The following GALNT5 variants were observed in gnomAD, a reference collection of about 807,000 sequenced individuals.
GALNT5 encodes polypeptide N-acetylgalactosaminyltransferase 5, also known as UDP-GalNAc:polypeptide N-acetylgalactosaminyltransferase 5.
In GALNT5, 72 loss-of-function variants were observed where a neutral mutation model predicts 85.4. The ratio of observed to expected loss-of-function variants is 0.84; its 90% CI spans 0.70 to 1.03. The LOEUF is 1.03. GALNT5 is among the 50% of genes least tolerant of loss of function. The pLI is 0.00. For missense variants in GALNT5, 1,137 were observed against 1,135.5 expected (o/e 1.00, Z -0.02); for synonymous variants, 404 against 397.0 (o/e 1.02, Z -0.21).
intron 9 of GALNT5, among the ~76,000 whole-genome samples, chr2:157,309,546 C>T (rs1170272592): frequency 6.6e-6 from 1 of 152,212 alleles, no homozygotes; most frequent in Non-Finnish European, 1.5e-5. Flanking sequence ...TTTCTACAAT[C>T]TCTCCAGCAG....
Position 157,312,982 on chromosome 2 carries a change from C to T in GALNT5, c.*1634C>T, listed in dbSNP as rs376127585. 3.3e-5 allele frequency: 5 copies of T among 152,014 alleles called. No homozygotes were observed. The highest frequency in any genetic ancestry group is 1.9e-4 in the East Asian group (1 of 5,202). The allele number at this position is 152,014 out of a possible 1,614,324, so 9.4% of individuals were successfully genotyped here. On this transcript the variant is annotated 3_prime_UTR_variant, in exon 10 of 10. Coordinates refer to ENST00000259056, the MANE Select transcript of GALNT5 (RefSeq NM_014568.3). ...TTTAATTTTGACTCCCAATGAGTTA[C>T]GTAAAAGCAAAACTATAACTAAGAA...
At chr2:157,271,491 G>C (rs909250687) in intron 1 of GALNT5, among the ~76,000 whole-genome samples, 3 of 152,208 alleles carry the variant, frequency 2.0e-5, no homozygotes, top group Admixed American at 1.3e-4. Context: ...TGGAGAAAGA[G>C]AGTGGATGCT....
At position 157,264,831 on chromosome 2, in the gene GALNT5, C is replaced by T. The variant is rs534926201; in HGVS notation, c.1454+5295C>T. On this transcript the variant is annotated intron_variant, in intron 1 of 9. Transcript: ENST00000259056. ...AAACTTTGAGCTTCTAAAAGTTTAT[C>T]AGGCTGAGAGAAAAAAAGAAACTTT... 8.6e-5 allele frequency among the ~76,000 whole-genome samples: 13 copies of T among 151,984 alleles called. No homozygotes were observed. The South Asian group carries it at 2.7e-3, about 32-fold the overall frequency.
intron 6 of GALNT5, among the ~76,000 whole-genome samples, chr2:157,300,403 AATG>A (rs1683314529): frequency 6.6e-6 from 1 of 152,132 alleles, no homozygotes; most frequent in Non-Finnish European, 1.5e-5. Flanking sequence ...TGTTTTACAA[AATG>A]GGATTCTGTG....
Position 157,308,564 on chromosome 2 carries a change from C to A in GALNT5, c.2521-3C>A. On this transcript the variant is annotated splice_polypyrimidine_tract_variant and splice_region_variant and intron_variant, in intron 8 of 9. Transcript: ENST00000259056. The stretch of plus-strand genomic sequence containing the variant: ...GTGACCTCTTTATTCATTTCCCCCA[C>A]AGCTTCAACAATTTAATTACACCTG... 6.2e-7 allele frequency: 1 copy of A among 1,600,852 alleles called. No homozygotes were observed. Among genetic ancestry groups the A allele is most frequent in the South Asian group, 1.1e-5 (1 of 88,004 alleles).
rs545937430 is a variant in GALNT5 at position 157,281,130 on chromosome 2, C to T, written c.1455-3152C>T. ...GGAGTACAGCAGTGCGATCTCAGCT[C>T]ACTGCACACTACAACCTCCACCTCC... On this transcript the variant is annotated intron_variant, in intron 1 of 9. Transcript: ENST00000259056. Among the ~76,000 whole-genome samples, 166 of 152,310 alleles carry T rather than the reference C, an allele frequency of 1.1e-3. 3 individuals are homozygous for T. In the South Asian group the frequency reaches 0.032, roughly 29 times the overall value.
In GALNT5 at chr2:157,300,932, G is replaced by T. The variant is rs1558903078; in HGVS notation, c.2372G>T (p.Ser791Ile). The T allele has an allele frequency of 6.2e-7, 1 of 1,614,126 alleles. No homozygotes were observed. ...CTGCGAAAGAAACTGAAGTGCAAAA[G>T]TTTCAAATGGTACTTGGAGAATGTC... ...RELRKKLKCK[S>I]FKWYLENVFP... is the part of the protein sequence containing the mutation. Residue 791 changes from serine (S) to isoleucine (I), a missense_variant, in exon 7 of 10, where the codon AGT (serine) becomes ATT (isoleucine). By Grantham distance (142) the Ser-to-Ile change is moderately radical. Transcript: ENST00000259056.
At chr2:157,309,529 C>G (rs950985772) in intron 9 of GALNT5, among the ~76,000 whole-genome samples, 15 of 152,172 alleles carry the variant, frequency 9.9e-5, no homozygotes, top group African/African-American at 3.6e-4. Flanking sequence ...GAATTGCCTT[C>G]TTAAATTTTC....
chr2:157,298,301 A>T (rs1191153361), intron 5 of GALNT5, among the ~76,000 whole-genome samples: 1 of 152,130 alleles, frequency 6.6e-6, no homozygotes, highest in East Asian at 1.9e-4. Context: ...ATTAACACCC[A>T]CTTCCTAAAG....
At chr2:157,280,113 C>T (rs925993763) in intron 1 of GALNT5, among the ~76,000 whole-genome samples, 8 of 152,144 alleles carry the variant, frequency 5.3e-5, no homozygotes, top group Admixed American at 1.3e-4. Context: ...CTTGCCTTAA[C>T]TCATTAAGCC....
chr2:157,258,246 T>C lies in GALNT5; in HGVS notation c.164T>C (p.Ile55Thr), dbSNP rs1031742238. The C allele has an allele frequency of 4.3e-6, 7 of 1,612,250 alleles. No individual in the cohort carries two copies. The highest frequency in any genetic ancestry group is 2.2e-5 in the South Asian group (2 of 90,820). ...GAAGACATTGTGAGGAGGGAGCGGA[T>C]AGGATTCAGAGTTCAGCCAGACCAA... ...IKEDIVRRER[I>T]GFRVQPDQGK... Residue 55 changes from isoleucine to threonine, a missense_variant, in exon 1 of 10, where the codon ATA becomes ACA. By Grantham distance (89) the Ile-to-Thr change is moderately conservative (BLOSUM62 -1). Coordinates refer to ENST00000259056, the MANE Select transcript of GALNT5 (RefSeq NM_014568.3).
chr2:157,280,717 C>T (rs1258979781), intron 1 of GALNT5, among the ~76,000 whole-genome samples: 2 of 152,120 alleles, frequency 1.3e-5, no homozygotes, highest in African/African-American at 4.8e-5. Flanking sequence ...TGAAATGTGA[C>T]CTCCAATGTT....
rs1029197676 is a variant in GALNT5 at position 157,315,356 on chromosome 2, T to C, written c.*4008T>C. ...CCAAGGTCATCCCACAAGTAAGAGATAAAACCCAGTTTCCATTTTATCTGG... is the reference window on the plus strand; with the variant it reads ...CCAAGGTCATCCCACAAGTAAGAGACAAAACCCAGTTTCCATTTTATCTGG... On this transcript the variant is annotated 3_prime_UTR_variant, in exon 10 of 10. Transcript: ENST00000259056. 6.6e-6 allele frequency among the ~76,000 whole-genome samples: 1 copy of C among 152,158 alleles called. No individual in the cohort carries two copies. The highest frequency in any genetic ancestry group is 1.5e-5 in the Non-Finnish European group (1 of 68,014).
chr2:157,263,231 C>G (rs951662127), intron 1 of GALNT5, among the ~76,000 whole-genome samples: 1 of 152,110 alleles, frequency 6.6e-6, no homozygotes, highest in African/African-American at 2.4e-5. Context: ...ATAGCAATAG[C>G]ACCCTGCACA....
chr2:157,262,744 A>C (rs927202005), intron 1 of GALNT5, among the ~76,000 whole-genome samples: 1 of 150,034 alleles, frequency 6.7e-6, no homozygotes, highest in African/African-American at 2.5e-5. Context: ...TCTTTTCCAA[A>C]CCTGCTTTTT....
chr2:157,295,547 AG>A (rs1214020777), intron 3 of GALNT5, 115 bp from the exon 4 acceptor site: 8 of 639,324 alleles, frequency 1.3e-5, no homozygotes, highest in South Asian at 7.3e-5. Context: ...AAAAAAAAAA[AG>A]GTCACTGCAT....
At chr2:157,293,893 C>T (rs1261580177) in intron 3 of GALNT5, among the ~76,000 whole-genome samples, 1 of 152,206 alleles carries the variant, frequency 6.6e-6, no homozygotes, top group Non-Finnish European at 1.5e-5. Flanking sequence ...ATGGAATGAG[C>T]TACTTATTTT....
At position 157,258,032 on chromosome 2, in the gene GALNT5, TC is replaced by T; in HGVS notation, c.-50del. 1 of 1,598,202 alleles carries T rather than the reference TC, an allele frequency of 6.3e-7. No individual in the cohort carries two copies. Among genetic ancestry groups the T allele is most frequent in the Non-Finnish European group, 8.5e-7 (1 of 1,176,096 alleles). ...GCTGCTACTTCAGCTTCCTCTCCACTCAAGGTAAGCAGGCTAAGGGAGGGCA... is the reference window on the plus strand; with the variant it reads ...GCTGCTACTTCAGCTTCCTCTCCACTAAGGTAAGCAGGCTAAGGGAGGGCA... On this transcript the variant is annotated 5_prime_UTR_variant, in exon 1 of 10. Transcript: ENST00000259056.
intron 2 of GALNT5, 87 bp from the exon 3 acceptor site, chr2:157,285,928 T>C (rs1558897106): frequency 2.4e-6 from 2 of 836,586 alleles, no homozygotes. Flanking sequence ...GTCATAGTTT[T>C]TGGCATTTGA....
Sources: allele counts gnomAD v4.1 joint callset (sites outside exome capture counted in the v4.1 genomes callset), GRCh38; gene constraint gnomAD v4.1.1; transcripts MANE v1.5; gene names NCBI Gene and HGNC (gene_info 2026-07-23, HGNC 2026-07-21).